Variants in NDST4 observed in about 807,000 individuals in gnomAD.
NDST4 encodes the protein N-heparan sulfate sulfotransferase 4.
Under a neutral mutation model 100.8 loss-of-function variants are expected in NDST4, and 63 were observed. That is an observed-to-expected ratio of 0.62 (90% CI 0.51 to 0.77). NDST4 has a LOEUF of 0.77. Among genes scored for constraint, NDST4 ranks in the 30% least tolerant of loss-of-function variants. The pLI, the probability that NDST4 is intolerant of heterozygous loss-of-function variation, is 0.00. For missense variants in NDST4, 943 were observed against 1,018.4 expected, an observed-to-expected ratio of 0.93 and a Z score of 1.01; for synonymous variants, 377 against 361.8, an observed-to-expected ratio of 1.04 and a Z score of -0.48.
chr4:114,928,083 G>A (rs1331199355), intron 6 of NDST4, among the ~76,000 whole-genome samples: 1 of 152,138 alleles, frequency 6.6e-6, no homozygotes, highest in Non-Finnish European at 1.5e-5. Context: ...ATTCTTCAGA[G>A]TCAGCATATT....
At chr4:114,866,966 T>C (rs930873866) in intron 7 of NDST4, among the ~76,000 whole-genome samples, 1 of 152,168 alleles carries the variant, frequency 6.6e-6, no homozygotes, top group Admixed American at 6.6e-5. Context: ...ATGATAATAG[T>C]ATACTTGCTT....
chr4:114,889,683 T>C (rs978699053), intron 6 of NDST4, among the ~76,000 whole-genome samples: 2 of 152,208 alleles, frequency 1.3e-5, no homozygotes, highest in African/African-American at 4.8e-5. Flanking sequence ...CATTATGGGC[T>C]GTCTTCAAAT....
chr4:115,003,712 A>T (rs1290058788), intron 2 of NDST4, among the ~76,000 whole-genome samples: 2 of 151,904 alleles, frequency 1.3e-5, no homozygotes, highest in Non-Finnish European at 2.9e-5. Flanking sequence ...CTAAAAGTAT[A>T]AAAAAATTAG....
intron 8 of NDST4, among the ~76,000 whole-genome samples, chr4:114,850,078 C>A (rs1723640413): frequency 6.6e-6 from 1 of 151,916 alleles, no homozygotes; most frequent in African/African-American, 2.4e-5. Flanking sequence ...ATAACACTTT[C>A]TTAAGGGGGG....
intron 2 of NDST4, among the ~76,000 whole-genome samples, chr4:114,979,642 C>T (rs1404953636): frequency 6.6e-6 from 1 of 151,480 alleles, no homozygotes; most frequent in Non-Finnish European, 1.5e-5. Flanking sequence ...TGTTTTATAA[C>T]ACAGATGTTT....
intron 8 of NDST4, among the ~76,000 whole-genome samples, chr4:114,852,402 G>A (rs1578343684): frequency 1.3e-5 from 2 of 152,120 alleles, no homozygotes; most frequent in Middle Eastern, 6.8e-3. Flanking sequence ...ATTAAATAAA[G>A]CCAAAAAAGT....
At chr4:114,968,270 A>G (rs562756468) in intron 4 of NDST4, among the ~76,000 whole-genome samples, 163 of 152,300 alleles carry the variant, frequency 1.1e-3, no homozygotes, top group African/African-American at 3.7e-3. Flanking sequence ...CGAAAATATC[A>G]GTAAATCACA....
chr4:114,856,182 C>G (rs1290643413), intron 7 of NDST4, among the ~76,000 whole-genome samples: 1 of 152,006 alleles, frequency 6.6e-6, no homozygotes, highest in Non-Finnish European at 1.5e-5. Context: ...CCTACCTCAG[C>G]CTCCGGATTA....
At chr4:115,047,260 G>A (rs1208931277) in intron 2 of NDST4, among the ~76,000 whole-genome samples, 1 of 151,876 alleles carries the variant, frequency 6.6e-6, no homozygotes, top group Non-Finnish European at 1.5e-5. Flanking sequence ...GTCAAACATT[G>A]TGTTTTAACA....
intron 2 of NDST4, among the ~76,000 whole-genome samples, chr4:115,038,130 T>C (rs979401967): frequency 1.3e-5 from 2 of 152,138 alleles, no homozygotes; most frequent in African/African-American, 2.4e-5. Context: ...AGCAAATAAA[T>C]GAACTCAAAT....
intron 7 of NDST4, among the ~76,000 whole-genome samples, chr4:114,862,968 C>G (rs1723949006): frequency 6.6e-6 from 1 of 152,060 alleles, no homozygotes; most frequent in Admixed American, 6.5e-5. Flanking sequence ...TTATATTATG[C>G]TATTTTAGGG....
chr4:114,855,321 T>C (rs1723769273), intron 7 of NDST4, among the ~76,000 whole-genome samples: 2 of 152,178 alleles, frequency 1.3e-5, no homozygotes, highest in African/African-American at 4.8e-5. Context: ...CATGGACTTG[T>C]GGGGTATTGC....
intron 4 of NDST4, among the ~76,000 whole-genome samples, chr4:114,944,053 T>C (rs1237242608): frequency 6.6e-6 from 1 of 152,092 alleles, no homozygotes; most frequent in African/African-American, 2.4e-5. Flanking sequence ...GCCAAATACT[T>C]TCCTAGGTCC....
intron 2 of NDST4, among the ~76,000 whole-genome samples, chr4:115,019,744 C>T (rs1727768746): frequency 6.6e-6 from 1 of 152,112 alleles, no homozygotes; most frequent in Non-Finnish European, 1.5e-5. Flanking sequence ...GTGATCAGGG[C>T]ATAAGGGCTC....
intron 2 of NDST4, among the ~76,000 whole-genome samples, chr4:115,061,535 A>G (rs1304644390): frequency 6.6e-6 from 1 of 151,944 alleles, no homozygotes; most frequent in South Asian, 2.1e-4. Flanking sequence ...AGAAAACCGA[A>G]CACCACATGT....
chr4:114,934,446 TG>T (rs1436408657), intron 6 of NDST4, among the ~76,000 whole-genome samples: 1 of 151,334 alleles, frequency 6.6e-6, no homozygotes, highest in East Asian at 1.9e-4. Flanking sequence ...CCCAGCTACT[TG>T]GGAGTCTGAG....
At chr4:114,857,970 A>G (rs1226580427) in intron 7 of NDST4, among the ~76,000 whole-genome samples, 1 of 152,166 alleles carries the variant, frequency 6.6e-6, no homozygotes, top group Non-Finnish European at 1.5e-5. Context: ...CAACCAAGAG[A>G]GCAGTATGAT....
At chr4:114,894,295 C>T (rs1268702508) in intron 6 of NDST4, among the ~76,000 whole-genome samples, 1 of 152,034 alleles carries the variant, frequency 6.6e-6, no homozygotes, top group Admixed American at 6.6e-5. Flanking sequence ...TGGTAGTTTG[C>T]TGAGAATAGC....
chr4:114,874,694 A>C (rs1368134382), intron 6 of NDST4, among the ~76,000 whole-genome samples: 1 of 152,218 alleles, frequency 6.6e-6, no homozygotes, highest in African/African-American at 2.4e-5. Flanking sequence ...AAACAAACAA[A>C]TAAAACCTAT....
Sources: allele counts gnomAD v4.1 joint callset (sites outside exome capture counted in the v4.1 genomes callset), GRCh38; gene constraint gnomAD v4.1.1; transcripts MANE v1.5; gene names NCBI Gene and HGNC (gene_info 2026-07-23, HGNC 2026-07-21).